The following LMTK3 variants were observed in gnomAD, a reference collection of about 807,000 sequenced individuals.
LMTK3 encodes the protein lemur tail kinase 3.
LMTK3 carries 27 observed loss-of-function variants against 116.7 expected under a neutral mutation model. That is an observed-to-expected ratio of 0.23 (90% CI 0.17 to 0.32). The LOEUF (loss-of-function observed/expected upper bound fraction) is 0.32. Ranked by LOEUF, LMTK3 falls within the 10% of genes least tolerant of loss-of-function variation. The pLI, the probability that LMTK3 is intolerant of heterozygous loss-of-function variation, is 1.00. For synonymous variants in LMTK3, 965 were observed against 971.0 expected (o/e 0.99, Z 0.11); for missense variants, 1,764 against 2,068.5 (o/e 0.85, Z 2.86).
chr19:48,509,999 G>T, intron 3 of LMTK3, 24 bp downstream of exon 3: 1 of 1,611,146 alleles, frequency 6.2e-7, no homozygotes, highest in Non-Finnish European at 8.5e-7. Context: ...ACCATGGGAT[G>T]CTGGTCATGG....
Position 48,491,319 on chromosome 19 carries a change from C to A in LMTK3, c.4229-74G>T, listed in dbSNP as rs930432277. On this transcript the variant is annotated intron_variant, in intron 13 of 14. Coordinates refer to ENST00000600059, the MANE Select transcript of LMTK3 (RefSeq NM_001388485.1). The surrounding 1 kb of genome is among the most constrained non-coding windows in gnomAD (Gnocchi z 5.1). ...TCCCGCCCTCTGGTCCCGCCCCTCC[C>A]GACCAAGCCCCTCCCACCCCATAGA... is the stretch of plus-strand genomic sequence containing the variant. The A allele has an allele frequency of 1.1e-5, 15 of 1,340,518 alleles. No homozygotes were observed. Among genetic ancestry groups the A allele is most frequent in the African/African-American group, 1.5e-5 (1 of 64,906 alleles). 83.0% of individuals were successfully genotyped at this position (1,340,518 alleles called of 1,614,324 possible). A position where few individuals can be genotyped will look rare whatever the true frequency, so the allele number is the denominator to read the frequency against.
chr19:48,486,674 A>ACTACAGGTGC (rs766939699), intron 14 of LMTK3, among the ~76,000 whole-genome samples: 39 of 151,738 alleles, frequency 2.6e-4, no homozygotes, highest in Non-Finnish European at 4.6e-4. Flanking sequence ...AGTAGCTGGG[A>ACTACAGGTGC]CTACAGGTGC....
chr19:48,498,897 G>A lies in LMTK3; in HGVS notation c.2172C>T (p.Pro724=), dbSNP rs1257957780. ...RGSLADLPMA[P]PASAPPEFLD... is the part of the protein sequence containing the mutation. ...GAAACTCGGGGGGGGCCGAGGCGGG[G>A]GGGGCCATGGGCAAGTCGGCCAGGG... The change falls in exon 11 of 15, where the codon CCC becomes CCT. Residue 724 remains proline (P), a synonymous_variant. Coordinates refer to ENST00000600059, the MANE Select transcript of LMTK3 (RefSeq NM_001388485.1). The A allele has an allele frequency of 2.7e-5, 33 of 1,218,782 alleles. No individual in the cohort carries two copies. Among genetic ancestry groups the A allele is most frequent in the Non-Finnish European group, 3.4e-5 (33 of 959,090 alleles). The allele number at this position is 1,218,782 out of a possible 1,614,324, so 75.5% of individuals were successfully genotyped here.
chr19:48,497,766 G>C lies in LMTK3; in HGVS notation c.3303C>G (p.Ala1101=). Residue 1101 remains alanine, a synonymous_variant, in exon 11 of 15, where the codon GCC becomes GCG. Transcript: ENST00000600059. The surrounding 1 kb of genome is among the most constrained non-coding windows in gnomAD (Gnocchi z 5.7). The part of the protein sequence containing the change: ...RAPETGGAPR[A]PGAGRLDLGS... ...CGAGGTCCAGCCTCCCAGCCCCTGG[G>C]GCTCTCGGCGCCCCCCCAGTCTCGG... is the stretch of plus-strand genomic sequence containing the variant. 7.3e-7 allele frequency: 1 copy of C among 1,374,376 alleles called. No individual in the cohort carries two copies. Among genetic ancestry groups the C allele is most frequent in the Non-Finnish European group, 9.3e-7 (1 of 1,069,858 alleles). The allele number at this position is 1,374,376 out of a possible 1,614,324, so 85.1% of individuals were successfully genotyped here. A position where few individuals can be genotyped will look rare whatever the true frequency, so the allele number is the denominator to read the frequency against.
In LMTK3 at chr19:48,510,117, C is replaced by A; in HGVS notation, c.267G>T (p.Glu89Asp). 6.2e-7 allele frequency: 1 copy of A among 1,613,890 alleles called. No homozygotes were observed. The highest frequency in any genetic ancestry group is 8.5e-7 in the Non-Finnish European group (1 of 1,179,858). ...GCAGCGACTGTGAGGAGGAGGTCTC[C>A]TCCGCAGGGGGAGTGTACTCCCCGG... is the stretch of plus-strand genomic sequence containing the variant. ...DCSGEYTPPA[E>D]ETSSSQSLPD... The change falls in exon 3 of 15, where the codon GAG (glutamate) becomes GAT (aspartate). Residue 89 changes from glutamate (E) to aspartate (D), a missense_variant. By Grantham distance (45) the Glu-to-Asp change is conservative. Transcript: ENST00000600059.
At chr19:48,490,423 G>A (rs1160762661) in intron 14 of LMTK3, among the ~76,000 whole-genome samples, 1 of 151,732 alleles carries the variant, frequency 6.6e-6, no homozygotes, top group Admixed American at 6.6e-5. Flanking sequence ...CTACTTGGGC[G>A]GCTGAGACAC....
At chr19:48,496,372 C>G (rs995548623) in intron 11 of LMTK3, among the ~76,000 whole-genome samples, 1 of 151,580 alleles carries the variant, frequency 6.6e-6, no homozygotes. Context: ...AATCTCGGCT[C>G]GGTGCAAACT....
chr19:48,488,761 T>C lies in LMTK3; in HGVS notation c.4366+2347A>G, dbSNP rs377377868. 0.014 allele frequency among the ~76,000 whole-genome samples: 1,935 copies of C among 142,712 alleles called. 32 individuals are homozygous for C. In the Middle Eastern group the frequency reaches 0.14, roughly 10 times the overall value. 93.6% of individuals were successfully genotyped at this position (142,712 alleles called of 152,430 possible). ...CACTTTTTTTTTTTTTTTTTTGAGATGGAGTTTTGCTCTTGTTGCCCAGGC... is the reference window on the plus strand; with the variant it reads ...CACTTTTTTTTTTTTTTTTTTGAGACGGAGTTTTGCTCTTGTTGCCCAGGC... On this transcript the variant is annotated intron_variant, in intron 14 of 14. Transcript: ENST00000600059.
At chr19:48,495,510 G>A (rs149137844) in intron 11 of LMTK3, among the ~76,000 whole-genome samples, 2 of 152,284 alleles carry the variant, frequency 1.3e-5, no homozygotes, top group African/African-American at 2.4e-5. Flanking sequence ...CATCTTAGCT[G>A]CTCATCTCCC....
rs1285421345 is a variant in LMTK3 at position 48,486,099 on chromosome 19, G to A, written c.4367-310C>T. Among the ~76,000 whole-genome samples, 10 of 105,096 alleles carry A rather than the reference G, an allele frequency of 9.5e-5. 1 individual carries two copies. Among genetic ancestry groups the A allele is most frequent in the South Asian group, 6.7e-4 (2 of 3,006 alleles). 68.9% of individuals were successfully genotyped at this position (105,096 alleles called of 152,430 possible). On this transcript the variant is annotated intron_variant, in intron 14 of 14. Transcript: ENST00000600059. Reference sequence around the variant, plus strand: ...TTTTGAGACGGAGTCTCGCTCTGTCGCCCAGGCTGGAGTGCAGTGGCGCGA... The same window carrying A: ...TTTTGAGACGGAGTCTCGCTCTGTCACCCAGGCTGGAGTGCAGTGGCGCGA...
chr19:48,495,259 C>T (rs1296824176), intron 11 of LMTK3, among the ~76,000 whole-genome samples: 2 of 152,012 alleles, frequency 1.3e-5, no homozygotes, highest in African/African-American at 2.4e-5. Context: ...ATCCTCCCAC[C>T]TCGGCCTCCC....
At chr19:48,504,027 C>T (rs1277982147) in intron 5 of LMTK3, among the ~76,000 whole-genome samples, 1 of 152,120 alleles carries the variant, frequency 6.6e-6, no homozygotes, top group Non-Finnish European at 1.5e-5. Context: ...GACACCAAGC[C>T]TGGCTAATTT....
At chr19:48,490,129 T>A (rs1015184831) in intron 14 of LMTK3, among the ~76,000 whole-genome samples, 1 of 152,174 alleles carries the variant, frequency 6.6e-6, no homozygotes, top group African/African-American at 2.4e-5. Flanking sequence ...CTGACCAATG[T>A]TCACTACTGG....
At position 48,486,111 on chromosome 19, in the gene LMTK3, G is replaced by A. The variant is rs550260739; in HGVS notation, c.4367-322C>T. Among the ~76,000 whole-genome samples the A allele has an allele frequency of 2.4e-3, 285 of 119,738 alleles. 4 individuals carry two copies. Among genetic ancestry groups the A allele is most frequent in the African/African-American group, 9.1e-3 (266 of 29,366 alleles). The allele number at this position is 119,738 out of a possible 152,430, so 78.6% of individuals were successfully genotyped here. A position where few individuals can be genotyped will look rare whatever the true frequency, so the allele number is the denominator to read the frequency against. ...GTCTCGCTCTGTCGCCCAGGCTGGA[G>A]TGCAGTGGCGCGATCTCGGCTCACT... On this transcript the variant is annotated intron_variant, in intron 14 of 14. Coordinates refer to ENST00000600059, the MANE Select transcript of LMTK3 (RefSeq NM_001388485.1).
At chr19:48,506,433 G>A (rs1356129034) in intron 5 of LMTK3, among the ~76,000 whole-genome samples, 1 of 152,138 alleles carries the variant, frequency 6.6e-6, no homozygotes, top group Non-Finnish European at 1.5e-5. Context: ...TCTGCAGGAG[G>A]ATGAGAACAT....
At position 48,510,154 on chromosome 19, in the gene LMTK3, C is replaced by G; in HGVS notation, c.230G>C (p.Gly77Ala). 1 of 1,612,660 alleles carries G rather than the reference C, an allele frequency of 6.2e-7. No individual in the cohort carries two copies. Among genetic ancestry groups the G allele is most frequent in the Non-Finnish European group, 8.5e-7 (1 of 1,178,848 alleles). The change falls in exon 3 of 15, where the codon GGG becomes GCG. Residue 77 changes from glycine to alanine, a missense_variant. Transcript: ENST00000600059. ...VGFKEFENPEGEDCSGEYTPP... is the reference protein window; with the variant it reads ...VGFKEFENPEAEDCSGEYTPP... Reference sequence around the variant, plus strand: ...AGTGTACTCCCCGGAGCAGTCCTCCCCTTCAGGGTTCTCAAATTCCTGGGG... The same window carrying G: ...AGTGTACTCCCCGGAGCAGTCCTCCGCTTCAGGGTTCTCAAATTCCTGGGG...
rs1972379576 is a variant in LMTK3, at chr19:48,498,468, C to T, written c.2601G>A (p.Arg867=). Residue 867 remains arginine (R), a synonymous_variant, in exon 11 of 15, where the codon CGG becomes CGA. Transcript: ENST00000600059. The stretch of plus-strand genomic sequence containing the variant: ...CCAGGAGGTTCCTTGTCACATCCTC[C>T]CGCAGGGACATCAGCAGCTGTTCCG... The part of the protein sequence containing the change: ...VSTEQLLMSL[R]EDVTRNLLGE... 6.2e-7 allele frequency: 1 copy of T among 1,602,082 alleles called. No individual in the cohort carries two copies. Among genetic ancestry groups the T allele is most frequent in the African/African-American group, 1.3e-5 (1 of 74,622 alleles).
chr19:48,498,774 G>A lies in LMTK3; in HGVS notation c.2295C>T (p.Asp765=), dbSNP rs78019950. 4 of 1,416,266 alleles carry A rather than the reference G, an allele frequency of 2.8e-6. No homozygotes were observed. The highest frequency in any genetic ancestry group is 2.8e-6 in the Non-Finnish European group (3 of 1,081,216). The allele number at this position is 1,416,266 out of a possible 1,614,324, so 87.7% of individuals were successfully genotyped here. A position where few individuals can be genotyped will look rare whatever the true frequency, so the allele number is the denominator to read the frequency against. The change falls in exon 11 of 15, where the codon GAC becomes GAT. Residue 765 remains aspartate, a synonymous_variant. Transcript: ENST00000600059. ...AAGGGGGGTCGGGGGACGCGGCCGG[G>A]TCCGCGGGGGCCCGAGGAGGTGGCG... The part of the protein sequence containing the change: ...PPPPPPRAPA[D]PAASPDPPSA...
chr19:48,509,337 G>A (rs955632408), intron 4 of LMTK3, 100 bp downstream of exon 4: 30 of 1,116,370 alleles, frequency 2.7e-5, no homozygotes, highest in South Asian at 2.0e-4. Context: ...GGGAGGAGGC[G>A]AGGGACAGAT....
Sources: gnomAD v4.1 joint callset for allele counts (sites outside exome capture counted in the v4.1 genomes callset) on GRCh38, gnomAD v4.1.1 for gene constraint, Gnocchi (gnomAD v3.1) non-coding constraint, MANE v1.5 for transcripts, NCBI Gene and HGNC (gene_info 2026-07-23, HGNC 2026-07-21) for gene names.